SAXO5: variants seen among roughly 807,000 people sequenced by gnomAD.
SAXO5 encodes the protein stabilizer of axonemal microtubules 5.
chr19:7,507,503 C>G, the SAXO5 span, among the ~76,000 whole-genome samples: 1 of 151,836 alleles, frequency 6.6e-6, no homozygotes, highest in African/African-American at 2.4e-5. Context: ...TTGCTTGAAC[C>G]AGGGAGGCAG....
the SAXO5 span, among the ~76,000 whole-genome samples, chr19:7,504,723 G>C: frequency 1.3e-5 from 2 of 151,624 alleles, no homozygotes; most frequent in Non-Finnish European, 2.9e-5. Flanking sequence ...AAAAAAAAGT[G>C]GGGGACGAGG....
At chr19:7,501,260 C>G in the SAXO5 span, 1 of 1,568,050 alleles carries the variant, frequency 6.4e-7, no homozygotes, top group Non-Finnish European at 8.6e-7. Context: ...AGCGGATCCG[C>G]GGCGCGCGCC....
chr19:7,501,176 C>T, the SAXO5 span: 1 of 1,517,162 alleles, frequency 6.6e-7, no homozygotes, highest in Non-Finnish European at 8.8e-7. Flanking sequence ...TGCACGAGGA[C>T]GCGCACGCCG....
the SAXO5 span, chr19:7,497,614 G>A: frequency 6.6e-6 from 1 of 152,186 alleles, no homozygotes. Context: ...GACAGAGGGA[G>A]ACCCAAAGAT....
chr19:7,501,863 G>A, the SAXO5 span, among the ~76,000 whole-genome samples: 147 of 139,662 alleles, frequency 1.1e-3, no homozygotes, highest in Middle Eastern at 4.0e-3. Flanking sequence ...AGAAGAAAGA[G>A]AGAGAGAGAG....
At chr19:7,501,378 C>T in the SAXO5 span, 4 of 1,506,424 alleles carry the variant, frequency 2.7e-6, no homozygotes, top group Admixed American at 4.4e-5. Context: ...CCCGCAGCCT[C>T]GCGCGCCCAG....
chr19:7,507,057 A>G, the SAXO5 span: 2 of 1,613,612 alleles, frequency 1.2e-6, no homozygotes. Flanking sequence ...AATCTCCAGA[A>G]TTCGATTTTT....
At chr19:7,503,073 G>T in the SAXO5 span, among the ~76,000 whole-genome samples, 1 of 152,176 alleles carries the variant, frequency 6.6e-6, no homozygotes, top group African/African-American at 2.4e-5. Context: ...GGTCCAAGAA[G>T]AAGTTGCGGC....
chr19:7,506,015 C>T, the SAXO5 span: 2 of 1,608,992 alleles, frequency 1.2e-6, no homozygotes, highest in African/African-American at 1.3e-5. Context: ...TGAGAAATTG[C>T]AGAGTCATGT....
chr19:7,507,644 G>T, the SAXO5 span, among the ~76,000 whole-genome samples: 6 of 151,790 alleles, frequency 4.0e-5, no homozygotes, highest in Non-Finnish European at 8.8e-5. Flanking sequence ...GTCAAGGTCA[G>T]CTCAGGGGCA....
the SAXO5 span, chr19:7,501,106 A>AGCTGCTGCAAGCGCAGGC: frequency 2.0e-6 from 3 of 1,504,604 alleles, no homozygotes; most frequent in Non-Finnish European, 1.8e-6. Context: ...CCGCCGTGGG[A>AGCTGCTGCAAGCGCAGGC]GCTGCTGCAA....
the SAXO5 span, chr19:7,501,532 T>TG: frequency 1.8e-6 from 2 of 1,110,980 alleles, no homozygotes; most frequent in Non-Finnish European, 2.4e-6. Context: ...GGTCAGGACT[T>TG]GGGGGGTGGC....
chr19:7,507,071 C>T, the SAXO5 span: 1 of 1,614,048 alleles, frequency 6.2e-7, no homozygotes, highest in Non-Finnish European at 8.5e-7. Context: ...GATTTTTTAA[C>T]CATGAACCAG....
chr19:7,506,600 G>C, the SAXO5 span: 1 of 326,896 alleles, frequency 3.1e-6, no homozygotes, highest in Non-Finnish European at 5.8e-6. Context: ...GACTCATCTG[G>C]CCCGGCCCCG....
At chr19:7,502,931 C>A in the SAXO5 span, among the ~76,000 whole-genome samples, 1 of 152,132 alleles carries the variant, frequency 6.6e-6, no homozygotes, top group African/African-American at 2.4e-5. Flanking sequence ...TGGTCAGAGG[C>A]CCCTAAGATG....
the SAXO5 span, chr19:7,504,271 G>A: frequency 2.0e-4 from 326 of 1,613,538 alleles, no homozygotes; most frequent in African/African-American, 3.5e-3. Context: ...AGAATTGGGG[G>A]CTGGGTGGTT....
the SAXO5 span, chr19:7,501,454 CAG>C: frequency 7.1e-6 from 10 of 1,413,916 alleles, no homozygotes; most frequent in South Asian, 3.0e-5. Context: ...GGTTCTCAAA[CAG>C]GGGCAAGGGC....
chr19:7,502,090 TTA>T, the SAXO5 span, among the ~76,000 whole-genome samples: 1 of 151,722 alleles, frequency 6.6e-6, no homozygotes, highest in African/African-American at 2.4e-5. Context: ...AAAAATTTTA[TTA>T]TTTTTTTATT....
the SAXO5 span, chr19:7,500,731 G>A: frequency 3.3e-6 from 4 of 1,200,750 alleles, no homozygotes; most frequent in African/African-American, 4.9e-5. Flanking sequence ...GCAGCAGAAA[G>A]GAGTCAAAAG....
Sources: gnomAD v4.1 joint callset for allele counts (sites outside exome capture counted in the v4.1 genomes callset) on GRCh38, gnomAD v4.1.1 for gene constraint, MANE v1.5 for transcripts, NCBI Gene and HGNC (gene_info 2026-07-23, HGNC 2026-07-21) for gene names.